Variants in NFIA observed in about 807,000 individuals in gnomAD.
NFIA encodes the protein nuclear factor I A.
Under a neutral mutation model 62.8 loss-of-function variants are expected in NFIA, and 8 were observed. The ratio of observed to expected loss-of-function variants is 0.13; its 90% confidence interval spans 0.07 to 0.23. The LOEUF (loss-of-function observed/expected upper bound fraction) is 0.23, where lower values mean the gene tolerates loss of function less well. Ranked by LOEUF, NFIA falls within the 10% of genes least tolerant of loss-of-function variation. The probability of loss-of-function intolerance (pLI) is 1.00; values close to 1 mark genes in which losing one functional copy is unlikely to be tolerated. For synonymous variants in NFIA, 235 were observed against 238.1 expected (o/e 0.99, Z 0.12); for missense variants, 410 against 642.1 (o/e 0.64, Z 3.91).
intron 2 of NFIA, among the ~76,000 whole-genome samples, chr1:61,229,928 C>T (rs899911794): frequency 5.3e-5 from 8 of 152,040 alleles, no homozygotes; most frequent in South Asian, 4.2e-4. Context: ...AATCATCTCC[C>T]CTAAGATCAG....
At chr1:61,149,479 G>A (rs1479690181) in intron 2 of NFIA, among the ~76,000 whole-genome samples, 2 of 152,120 alleles carry the variant, frequency 1.3e-5, no homozygotes, top group Admixed American at 6.6e-5. Context: ...CCATAGGAAT[G>A]GTGTGAGACT....
intron 3 of NFIA, among the ~76,000 whole-genome samples, chr1:61,292,477 G>A (rs1658952865): frequency 6.6e-6 from 1 of 152,174 alleles, no homozygotes; most frequent in South Asian, 2.1e-4. Context: ...CCTGTGCCAG[G>A]CAGTGGGCAT....
chr1:61,404,027 G>T, intron 7 of NFIA, 77 bp from the exon 8 acceptor site: 1 of 1,499,638 alleles, frequency 6.7e-7, no homozygotes, highest in Non-Finnish European at 9.1e-7. Flanking sequence ...GAGAAATAAA[G>T]GAGGAAGTTG....
intron 2 of NFIA, among the ~76,000 whole-genome samples, chr1:61,204,932 T>A (rs1652797061): frequency 6.6e-6 from 1 of 152,246 alleles, no homozygotes; most frequent in Non-Finnish European, 1.5e-5. Context: ...CCCACCATTC[T>A]AGGCACTGGG....
chr1:61,116,775 A>G (rs1031832179), intron 2 of NFIA, among the ~76,000 whole-genome samples: 1 of 152,248 alleles, frequency 6.6e-6, no homozygotes, highest in Non-Finnish European at 1.5e-5. Flanking sequence ...ACATCTGTTC[A>G]GAAGCTTTCT....
intron 3 of NFIA, among the ~76,000 whole-genome samples, chr1:61,325,932 CAAAAAAAA>C (rs36122626): frequency 8.0e-5 from 7 of 87,912 alleles, no homozygotes; most frequent in African/African-American, 1.8e-4. Flanking sequence ...GACTCTGTCT[CAAAAAAAA>C]AAAAAAAAAA....
chr1:61,368,561 A>G (rs1370281284), intron 6 of NFIA, among the ~76,000 whole-genome samples: 1 of 152,258 alleles, frequency 6.6e-6, no homozygotes, highest in African/African-American at 2.4e-5. Context: ...TGAGGACAAT[A>G]AAACAGCCTT....
chr1:61,218,796 C>G (rs1653815566), intron 2 of NFIA, among the ~76,000 whole-genome samples: 1 of 152,104 alleles, frequency 6.6e-6, no homozygotes, highest in African/African-American at 2.4e-5. Flanking sequence ...AGTTTGTTTG[C>G]AAGTTTTTAT....
chr1:61,260,109 G>A (rs919924749), intron 2 of NFIA, among the ~76,000 whole-genome samples: 5 of 152,232 alleles, frequency 3.3e-5, no homozygotes, highest in Admixed American at 3.3e-4. Context: ...AAGGCACAGG[G>A]CCTCTTTGAG....
chr1:61,419,679 C>T (rs1210707574), intron 9 of NFIA, among the ~76,000 whole-genome samples: 4 of 152,192 alleles, frequency 2.6e-5, no homozygotes, highest in Non-Finnish European at 5.9e-5. Flanking sequence ...AACAGAAATA[C>T]TAACAGAGCA....
chr1:61,433,536 G>A (rs547648075), intron 10 of NFIA, among the ~76,000 whole-genome samples: 3 of 150,866 alleles, frequency 2.0e-5, no homozygotes, highest in South Asian at 4.2e-4. Context: ...ATAAATATGT[G>A]TGTGTATATA....
intron 4 of NFIA, among the ~76,000 whole-genome samples, chr1:61,350,934 A>G (rs1472620900): frequency 2.6e-5 from 4 of 152,128 alleles, no homozygotes; most frequent in African/African-American, 2.4e-5. Flanking sequence ...AGCCACTTCA[A>G]TTTAGGAATG....
chr1:61,156,537 G>A (rs796503622), intron 2 of NFIA, among the ~76,000 whole-genome samples: 1 of 152,208 alleles, frequency 6.6e-6, no homozygotes, highest in African/African-American at 2.4e-5. Context: ...TTATTATACC[G>A]GGTAGTTTAA....
At chr1:61,106,834 G>GT (rs1222818188) in intron 2 of NFIA, among the ~76,000 whole-genome samples, 1 of 151,162 alleles carries the variant, frequency 6.6e-6, no homozygotes, top group East Asian at 1.9e-4. Context: ...TTTTGTGTTT[G>GT]TAATTCCCCT....
intron 2 of NFIA, among the ~76,000 whole-genome samples, chr1:61,089,695 C>CTT (rs918196815): frequency 2.2e-4 from 24 of 107,756 alleles, no homozygotes; most frequent in East Asian, 1.1e-3. Context: ...GTTTTTTTTT[C>CTT]TTTTTTTTTT....
At chr1:61,328,723 A>ATTTT (rs35979153) in intron 3 of NFIA, among the ~76,000 whole-genome samples, 31 of 108,916 alleles carry the variant, frequency 2.8e-4, no homozygotes, top group South Asian at 9.0e-4. Flanking sequence ...CCGGCCTATA[A>ATTTT]TTTTTTTTTT....
chr1:61,378,472 A>G (rs1378325931), intron 6 of NFIA, among the ~76,000 whole-genome samples: 1 of 152,202 alleles, frequency 6.6e-6, no homozygotes, highest in African/African-American at 2.4e-5. Context: ...TCAGAATTAT[A>G]GAGAGTAATT....
chr1:61,132,219 T>G (rs1189248989), intron 2 of NFIA, among the ~76,000 whole-genome samples: 1 of 152,194 alleles, frequency 6.6e-6, no homozygotes, highest in Non-Finnish European at 1.5e-5. Context: ...AGATCAGCAC[T>G]GAACGTCAAG....
intron 2 of NFIA, among the ~76,000 whole-genome samples, chr1:61,224,932 A>G (rs1353654695): frequency 3.9e-5 from 6 of 152,154 alleles, no homozygotes; most frequent in Non-Finnish European, 4.4e-5. Flanking sequence ...TCCATTTTTA[A>G]AAGGTCTCCA....
Sources: allele counts gnomAD v4.1 joint callset (sites outside exome capture counted in the v4.1 genomes callset), GRCh38; gene constraint gnomAD v4.1.1; transcripts MANE v1.5; gene names NCBI Gene and HGNC (gene_info 2026-07-23, HGNC 2026-07-21).